Variants in HUWE1 observed in about 807,000 individuals in gnomAD.
The protein encoded by HUWE1 is HECT, UBA and WWE domain containing E3 ubiquitin protein ligase 1, also known as E3 ubiquitin-protein ligase HUWE1.
Under a neutral mutation model 299.4 loss-of-function variants are expected in HUWE1, and 18 were observed. That is an observed-to-expected ratio of 0.06 (90% CI 0.04 to 0.09). The LOEUF is 0.09. Ranked by LOEUF, HUWE1 falls within the 10% of genes least tolerant of loss-of-function variation. The pLI, the probability that HUWE1 is intolerant of heterozygous loss-of-function variation, is 1.00. For missense variants in HUWE1, 1,832 were observed against 3,462.3 expected, an observed-to-expected ratio of 0.53 and a Z score of 11.82; for synonymous variants, 1,317 against 1,286.1, an observed-to-expected ratio of 1.02 and a Z score of -0.51.
chrX:53,539,425 G>A (rs1556916400), intron 75 of HUWE1, among the ~76,000 whole-genome samples: 1 of 110,266 alleles, frequency 9.1e-6, no homozygotes, highest in East Asian at 2.8e-4. Context: ...AAATGGGATA[G>A]CTAACCAGTT....
chrX:53,559,648 CTGA>C, intron 56 of HUWE1, 116 bp from the exon 57 acceptor site: 1 of 638,361 alleles, frequency 1.6e-6, no homozygotes, highest in Non-Finnish European at 2.5e-6. Context: ...GATTATAAAC[CTGA>C]TGATGTGCAC....
intron 66 of HUWE1, among the ~76,000 whole-genome samples, chrX:53,550,243 G>A (rs1454182693): frequency 9.0e-6 from 1 of 111,684 alleles, no homozygotes; most frequent in African/African-American, 3.3e-5. Flanking sequence ...CCAGGAGTTT[G>A]TGGCCTTGTA....
intron 38 of HUWE1, 103 bp downstream of exon 38, chrX:53,586,679 A>G: frequency 9.2e-7 from 1 of 1,090,779 alleles, no homozygotes; most frequent in Non-Finnish European, 1.3e-6. Context: ...AAACTACAGA[A>G]GTACCACAAA....
In HUWE1 at chrX:53,588,058, GTAATT is replaced by G. The variant is rs782292191; in HGVS notation, c.4614+319_4614+323del. 1.2e-4 allele frequency among the ~76,000 whole-genome samples: 13 copies of G among 111,528 alleles called. No homozygotes were observed. The East Asian group carries it at 2.5e-3, about 22-fold the overall frequency. On this transcript the variant is annotated intron_variant, in intron 37 of 83. Coordinates refer to ENST00000262854, the MANE Select transcript of HUWE1 (RefSeq NM_031407.7). ...AATATTCTATGACCAAGCTCTGTTAGTAATTTAAATACTTTTTTTTTAAACTACCA... is the reference window on the plus strand; with the variant it reads ...AATATTCTATGACCAAGCTCTGTTAGTAAATACTTTTTTTTTAAACTACCA...
Position 53,547,873 on chromosome X carries a change from C to T in HUWE1, c.10436G>A (p.Gly3479Asp). Residue 3479 changes from glycine to aspartate, a missense_variant, in exon 68 of 84, where the codon GGT becomes GAT. Gly to Asp is a moderately conservative substitution (Grantham distance 94). Coordinates refer to ENST00000262854, the MANE Select transcript of HUWE1 (RefSeq NM_031407.7). ...GGTGGCAGTGGTGGTGGAGGAAGCA[C>T]CGCTGCCAGAATTAGCCTGTGCTTC... is the stretch of plus-strand genomic sequence containing the variant. ...VSEAQANSGSGASSTTTATST... is the reference protein window; with the variant it reads ...VSEAQANSGSDASSTTTATST... The T allele has an allele frequency of 8.3e-7, 1 of 1,207,259 alleles. No individual in the cohort carries two copies. Among genetic ancestry groups the T allele is most frequent in the Non-Finnish European group, 1.1e-6 (1 of 893,211 alleles).
intron 43 of HUWE1, among the ~76,000 whole-genome samples, chrX:53,577,497 TCCTCTC>T (rs1394123120): frequency 7.7e-5 from 2 of 25,964 alleles, no homozygotes; most frequent in Non-Finnish European, 2.1e-4. Flanking sequence ...CTCCTCTCCC[TCCTCTC>T]CCTCTCCCTC....
At position 53,603,501 on chromosome X, in the gene HUWE1, T is replaced by C; in HGVS notation, c.2743A>G (p.Ser915Gly). Residue 915 changes from serine (S) to glycine (G), a missense_variant and splice_region_variant, in exon 27 of 84, where the codon AGT becomes GGT. By Grantham distance (56) the Ser-to-Gly change is moderately conservative (BLOSUM62 0). Coordinates refer to ENST00000262854, the MANE Select transcript of HUWE1 (RefSeq NM_031407.7). Reference sequence around the variant, plus strand: ...TTTACGGAGATGGAACGAATTTCACTCTGCAATCATAACAAGAATTTCACC... The same window carrying C: ...TTTACGGAGATGGAACGAATTTCACCCTGCAATCATAACAAGAATTTCACC... ...MFVHTCRVGQ[S>G]EIRSISVNQW... 3 of 1,208,496 alleles carry C rather than the reference T, an allele frequency of 2.5e-6. No individual in the cohort carries two copies. Among genetic ancestry groups the C allele is most frequent in the Non-Finnish European group, 3.4e-6 (3 of 892,927 alleles).
chrX:53,545,281 G>C, intron 70 of HUWE1, 120 bp from the exon 71 acceptor site: 1 of 705,553 alleles, frequency 1.4e-6, no homozygotes, highest in Admixed American at 2.6e-5. Context: ...AGAGAACCTA[G>C]AGTGAGCTGG....
In HUWE1 at chrX:53,586,502, G is replaced by T; in HGVS notation, c.4812C>A (p.Ala1604=). 8.3e-7 allele frequency: 1 copy of T among 1,199,458 alleles called. No homozygotes were observed. The highest frequency in any genetic ancestry group is 1.1e-6 in the Non-Finnish European group (1 of 884,885). ...EKTAISSKRR[A]QMTKYLQSNS... is the part of the protein sequence containing the mutation. The stretch of plus-strand genomic sequence containing the variant: ...CTACATTACACACCTTAGTCATCTG[G>T]GCTCTCCTTTTTGAGGAGATGGCTG... Residue 1604 remains alanine, a synonymous_variant, in exon 39 of 84, where the codon GCC becomes GCA. Coordinates refer to ENST00000262854, the MANE Select transcript of HUWE1 (RefSeq NM_031407.7).
intron 3 of HUWE1, among the ~76,000 whole-genome samples, chrX:53,664,266 G>A (rs988586018): frequency 9.0e-6 from 1 of 111,423 alleles, no homozygotes; most frequent in Admixed American, 9.5e-5. Context: ...TGTCCAGGGT[G>A]GTCTCGAAGT....
chrX:53,547,541 AAC>A (rs1393692220), intron 68 of HUWE1, 130 bp downstream of exon 68: 14 of 991,748 alleles, frequency 1.4e-5, no homozygotes, highest in Non-Finnish European at 1.9e-5. Flanking sequence ...GGTGAGAATG[AAC>A]ACATTCTGTT....
rs1388200988 is a variant in HUWE1 at position 53,563,817 on chromosome X, T to C, written c.7034A>G (p.Glu2345Gly). ...ATCTATCAGGTCCTCCAGCTCATTC[T>C]CAACCTGGAGAGAAATAGAACATAT... is the stretch of plus-strand genomic sequence containing the variant. Reference protein sequence around the residue: ...EVLSSQEMQVENELEDLIDEL... With the variant: ...EVLSSQEMQVGNELEDLIDEL... Residue 2345 changes from glutamate to glycine, a missense_variant, in exon 52 of 84, where the codon GAG becomes GGG. Transcript: ENST00000262854. 1 of 1,208,409 alleles carries C rather than the reference T, an allele frequency of 8.3e-7. No homozygotes were observed. The highest frequency in any genetic ancestry group is 1.7e-5 in the African/African-American group (1 of 57,208).
chrX:53,572,298 G>C (rs1556952457), intron 47 of HUWE1, among the ~76,000 whole-genome samples: 1 of 111,739 alleles, frequency 8.9e-6, no homozygotes, highest in African/African-American at 3.3e-5. Flanking sequence ...TGGGTGGGAG[G>C]AGATGCACTA....
At chrX:53,554,946 G>A (rs782128583) in intron 60 of HUWE1, 26 bp from the exon 61 acceptor site, 8 of 1,117,870 alleles carry the variant, frequency 7.2e-6, no homozygotes, top group Non-Finnish European at 8.3e-6. Context: ...CAATAATAGT[G>A]GTTAAGGGGC....
At chrX:53,579,134 G>GCCGC (rs1175560187) in intron 43 of HUWE1, among the ~76,000 whole-genome samples, 1 of 80,427 alleles carries the variant, frequency 1.2e-5, no homozygotes, top group Non-Finnish European at 2.4e-5. Context: ...CCTCTGCCCG[G>GCCGC]CCGCCCCTAC....
chrX:53,665,799 T>TAC (rs1168309188), intron 3 of HUWE1, among the ~76,000 whole-genome samples: 2 of 112,340 alleles, frequency 1.8e-5, no homozygotes, highest in African/African-American at 6.5e-5. Flanking sequence ...ACTCCTTGTC[T>TAC]ACACATTTTA....
At position 53,536,116 on chromosome X, in the gene HUWE1, G is replaced by C. The variant is rs375524136; in HGVS notation, c.12531+31C>G. 16 of 934,488 alleles carry C rather than the reference G, an allele frequency of 1.7e-5. No homozygotes were observed. The Admixed American group carries it at 2.9e-4, about 17-fold the overall frequency. 77.0% of individuals were successfully genotyped at this position (934,488 alleles called of 1,213,427 possible). ...GGAATGGATCTTCCAGATTGGCTGGGATGTGCTGTGATTAGGATTTCCTGA... is the reference window on the plus strand; with the variant it reads ...GGAATGGATCTTCCAGATTGGCTGGCATGTGCTGTGATTAGGATTTCCTGA... On this transcript the variant is annotated intron_variant, in intron 80 of 83. Transcript: ENST00000262854.
chrX:53,537,750 GT>G, intron 77 of HUWE1, 54 bp from the exon 78 acceptor site: 1 of 1,134,893 alleles, frequency 8.8e-7, no homozygotes, highest in Non-Finnish European at 1.2e-6. Flanking sequence ...GAACAAATTT[GT>G]TTGTGTGATT....
rs1556972093 is a variant in HUWE1 at position 53,585,145 on chromosome X, C to T, written c.4868G>A (p.Arg1623His). The change falls in exon 40 of 84, where the codon CGC (arginine) becomes CAC (histidine). Residue 1623 changes from arginine (R) to histidine (H), a missense_variant. This residue lies in a region of HUWE1 where 658 missense variants were observed against 1,282.6 expected (regional missense o/e 0.51). Coordinates refer to ENST00000262854, the MANE Select transcript of HUWE1 (RefSeq NM_031407.7). ...NSNNWRWFDDRSGRWCSYSAS... is the reference protein window; with the variant it reads ...NSNNWRWFDDHSGRWCSYSAS... ...ACTGTAACTACACCAACGCCCAGAG[C>T]GATCATCAAACCAGCGCCAGTTGTT... 1 of 1,211,908 alleles carries T rather than the reference C, an allele frequency of 8.3e-7. No homozygotes were observed. The highest frequency in any genetic ancestry group is 2.2e-5 in the Admixed American group (1 of 46,079).
Sources: allele counts gnomAD v4.1 joint callset (sites outside exome capture counted in the v4.1 genomes callset), GRCh38; gene constraint gnomAD v4.1.1; regional missense constraint gnomAD v4.1.1; transcripts MANE v1.5; gene names NCBI Gene and HGNC (gene_info 2026-07-23, HGNC 2026-07-21).